Variants in TBCA observed in about 807,000 individuals in gnomAD.
The protein encoded by TBCA is tubulin-specific chaperone A.
Under a neutral mutation model 15.8 loss-of-function variants are expected in TBCA, and 6 were observed. The observed-to-expected ratio is 0.38, with a 90% confidence interval of 0.21 to 0.75. The LOEUF (loss-of-function observed/expected upper bound fraction) is 0.75. Ranked by LOEUF, TBCA falls within the 30% of genes least tolerant of loss-of-function variation. The pLI, the probability that TBCA is intolerant of heterozygous loss-of-function variation, is 0.46. For synonymous variants in TBCA, 32 were observed against 42.3 expected (o/e 0.76, Z 0.94); for missense variants, 90 against 131.2 (o/e 0.69, Z 1.53).
intron 1 of TBCA, among the ~76,000 whole-genome samples, chr5:77,744,902 G>C (rs1747147506): frequency 6.6e-6 from 1 of 152,170 alleles, no homozygotes; most frequent in African/African-American, 2.4e-5. Context: ...AAAAGGTATA[G>C]CCAGTACACT....
chr5:77,774,220 G>C (rs1165788938), intron 1 of TBCA, among the ~76,000 whole-genome samples: 1 of 152,130 alleles, frequency 6.6e-6, no homozygotes, highest in African/African-American at 2.4e-5. Flanking sequence ...AGCGGGATCT[G>C]AAAGAAATAA....
At chr5:77,715,260 G>A in intron 1 of TBCA, 1 of 702,290 alleles carries the variant, frequency 1.4e-6, no homozygotes, top group Non-Finnish European at 2.6e-6. Flanking sequence ...GCAAATTGAA[G>A]ACGAAAACCA....
chr5:77,702,886 T>TTTTCCATATTTTTACTTGTAAAAATA (rs1746054428), intron 2 of TBCA, among the ~76,000 whole-genome samples: 1 of 152,222 alleles, frequency 6.6e-6, no homozygotes, highest in Non-Finnish European at 1.5e-5. Context: ...TTGTAAGTTA[T>TTTTCCATATTTTTACTTGTAAAAATA]TTTCCATATT....
chr5:77,700,045 A>AAG (rs1554043241), intron 2 of TBCA, among the ~76,000 whole-genome samples: 2,299 of 150,604 alleles, frequency 0.015, 69 homozygotes, highest in African/African-American at 0.053. Context: ...AAAAAAAAAA[A>AAG]AAAAAGAAAA....
chr5:77,692,561 A>T (rs1365682486), intron 3 of TBCA: 2 of 983,478 alleles, frequency 2.0e-6, no homozygotes, highest in African/African-American at 1.7e-5. Context: ...CTGGGATTAC[A>T]GGCATGAGCC....
chr5:77,733,019 T>C (rs537307345), intron 1 of TBCA, among the ~76,000 whole-genome samples: 1 of 152,338 alleles, frequency 6.6e-6, no homozygotes, highest in African/African-American at 2.4e-5. Flanking sequence ...CAGTGGTTCA[T>C]GCCTATGATC....
At chr5:77,704,810 T>C (rs1020160576) in intron 2 of TBCA, among the ~76,000 whole-genome samples, 4 of 152,214 alleles carry the variant, frequency 2.6e-5, no homozygotes, top group Admixed American at 1.3e-4. Flanking sequence ...ACATGGTAGG[T>C]TGACAACAGA....
At chr5:77,772,366 T>C (rs1747934975) in intron 1 of TBCA, among the ~76,000 whole-genome samples, 1 of 152,092 alleles carries the variant, frequency 6.6e-6, no homozygotes, top group Non-Finnish European at 1.5e-5. Context: ...GTTGCAGGGT[T>C]TAAAACCTAG....
At chr5:77,767,477 C>T (rs989499083) in intron 1 of TBCA, among the ~76,000 whole-genome samples, 1 of 152,182 alleles carries the variant, frequency 6.6e-6, no homozygotes. Flanking sequence ...AATTAGGGTT[C>T]TCCAAAACTC....
rs572477969 is a variant in TBCA, at chr5:77,727,081, T to C, written c.54-18734A>G. On this transcript the variant is annotated intron_variant, in intron 1 of 3. Transcript: ENST00000380377. ...ATTAAGTCTCATGATTTTTTAAAAA[T>C]TAAAGCAAACTTTGTATCAAAATGG... Among the ~76,000 whole-genome samples, 55 of 152,002 alleles carry C rather than the reference T, an allele frequency of 3.6e-4. 2 individuals are homozygous for C. The South Asian group carries it at 0.011, about 31-fold the overall frequency.
chr5:77,726,189 A>ATGC (rs1307101778), intron 1 of TBCA, among the ~76,000 whole-genome samples: 2 of 152,230 alleles, frequency 1.3e-5, no homozygotes, highest in Non-Finnish European at 2.9e-5. Flanking sequence ...TAGAAAAGCC[A>ATGC]TGCACAGTAT....
At position 77,714,578 on chromosome 5, in the gene TBCA, T is replaced by TTA. The variant is rs1561268094; in HGVS notation, c.54-6232_54-6231insTA. On this transcript the variant is annotated intron_variant, in intron 1 of 3. Transcript: ENST00000380377. ...AATTATTACTATTATTATTATTATTTTTTTTTGAGATGGAGTCTGTCTCTG... is the reference window on the plus strand; with the variant it reads ...AATTATTACTATTATTATTATTATTTTATTTTTTGAGATGGAGTCTGTCTCTG... 3.4e-3 allele frequency among the ~76,000 whole-genome samples: 499 copies of TTA among 148,568 alleles called. 4 individuals are homozygous for TTA. Among genetic ancestry groups the TTA allele is most frequent in the African/African-American group, 0.012 (472 of 39,158 alleles).
chr5:77,692,709 A>T (rs1373523353), intron 3 of TBCA: 3 of 989,276 alleles, frequency 3.0e-6, no homozygotes, highest in African/African-American at 3.5e-5. Flanking sequence ...GTATTTTAAC[A>T]GTTATTATTT....
chr5:77,717,698 G>A (rs1012890351), intron 1 of TBCA, among the ~76,000 whole-genome samples: 45 of 152,110 alleles, frequency 3.0e-4, no homozygotes, highest in African/African-American at 1.1e-3. Flanking sequence ...CAGGCATAGT[G>A]GTGCACGCCT....
chr5:77,770,656 G>A (rs1005505039), intron 1 of TBCA, among the ~76,000 whole-genome samples: 1 of 151,808 alleles, frequency 6.6e-6, no homozygotes, highest in African/African-American at 2.4e-5. Flanking sequence ...TGCTAGAGCT[G>A]CCAGATTAGT....
intron 1 of TBCA, among the ~76,000 whole-genome samples, chr5:77,710,932 T>C (rs1746264568): frequency 1.3e-5 from 2 of 152,172 alleles, no homozygotes; most frequent in South Asian, 4.1e-4. Context: ...CTTCTAAACC[T>C]GGTATGTGAC....
intron 2 of TBCA, 45 bp from the exon 3 acceptor site, chr5:77,693,397 G>C: frequency 3.8e-6 from 6 of 1,586,556 alleles, no homozygotes; most frequent in Non-Finnish European, 5.1e-6. Context: ...GGCAGAACTT[G>C]TAGGTGTTTA....
chr5:77,710,862 C>A (rs1746263626), intron 1 of TBCA, among the ~76,000 whole-genome samples: 1 of 152,092 alleles, frequency 6.6e-6, no homozygotes, highest in African/African-American at 2.4e-5. Flanking sequence ...TAATCATGAT[C>A]ATTATTCAGA....
At chr5:77,762,941 C>T (rs918490245) in intron 1 of TBCA, among the ~76,000 whole-genome samples, 5 of 152,156 alleles carry the variant, frequency 3.3e-5, no homozygotes, top group Admixed American at 6.5e-5. Context: ...ATCTTGGAGA[C>T]GCTTGTTTAA....
Sources: allele counts gnomAD v4.1 joint callset (sites outside exome capture counted in the v4.1 genomes callset), GRCh38; gene constraint gnomAD v4.1.1; transcripts MANE v1.5; gene names NCBI Gene and HGNC (gene_info 2026-07-23, HGNC 2026-07-21).